Variants in EBF1 observed in about 807,000 individuals in gnomAD.
The protein encoded by EBF1 is EBF transcription factor 1.
EBF1 carries 10 observed loss-of-function variants against 68.4 expected under a neutral mutation model. The observed-to-expected ratio is 0.15, with a 90% CI of 0.09 to 0.25. The LOEUF (loss-of-function observed/expected upper bound fraction) is 0.25. EBF1 is among the 10% of genes least tolerant of loss of function. The pLI, the probability that EBF1 is intolerant of heterozygous loss-of-function variation, is 1.00. For missense variants in EBF1, 509 were observed against 794.4 expected (o/e 0.64, Z 4.32); for synonymous variants, 298 against 299.8 (o/e 0.99, Z 0.06).
At chr5:158,729,325 G>A (rs1437669269) in intron 11 of EBF1, among the ~76,000 whole-genome samples, 2 of 152,196 alleles carry the variant, frequency 1.3e-5, no homozygotes, top group African/African-American at 4.8e-5. Flanking sequence ...GGACTCTAGA[G>A]ATCAAATGGT....
intron 4 of EBF1, among the ~76,000 whole-genome samples, chr5:159,092,871 T>G (rs893823728): frequency 7.9e-5 from 12 of 152,188 alleles, no homozygotes; most frequent in African/African-American, 2.9e-4. Flanking sequence ...TCAAAATCCA[T>G]AATGTATGAG....
At position 158,795,008 on chromosome 5, in the gene EBF1, C is replaced by G. The variant is rs575795690; in HGVS notation, c.909+1337G>C. On this transcript the variant is annotated intron_variant, in intron 9 of 15. Transcript: ENST00000313708. Reference sequence around the variant, plus strand: ...TTGATTCTACGACCAAATGCATACCCCTTGTTTGCTGAGTAGAAAATACCA... The same window carrying G: ...TTGATTCTACGACCAAATGCATACCGCTTGTTTGCTGAGTAGAAAATACCA... 1.1e-4 allele frequency among the ~76,000 whole-genome samples: 17 copies of G among 152,262 alleles called. No individual in the cohort carries two copies. The South Asian group carries it at 3.3e-3, about 30-fold the overall frequency.
chr5:159,090,001 T>TA (rs1781346747), intron 4 of EBF1, among the ~76,000 whole-genome samples: 1 of 151,994 alleles, frequency 6.6e-6, no homozygotes, highest in Non-Finnish European at 1.5e-5. Flanking sequence ...TGTTACTCCT[T>TA]TTTCCCCTTA....
intron 8 of EBF1, among the ~76,000 whole-genome samples, chr5:158,799,707 G>A (rs1232916099): frequency 6.6e-6 from 1 of 152,160 alleles, no homozygotes; most frequent in Non-Finnish European, 1.5e-5. Flanking sequence ...GCAACGGGAA[G>A]GTGCTGGTGA....
chr5:158,795,274 T>G (rs1323865413), intron 9 of EBF1, among the ~76,000 whole-genome samples: 1 of 152,230 alleles, frequency 6.6e-6, no homozygotes, highest in East Asian at 1.9e-4. Context: ...TGTGGCCATA[T>G]ACAAATCACT....
At chr5:158,835,730 G>T (rs1489334235) in intron 7 of EBF1, among the ~76,000 whole-genome samples, 3 of 152,120 alleles carry the variant, frequency 2.0e-5, no homozygotes, top group Admixed American at 6.5e-5. Context: ...AGACTGCTTG[G>T]ATTATACCAC....
At chr5:158,913,161 C>G (rs1177605580) in intron 6 of EBF1, among the ~76,000 whole-genome samples, 1 of 152,178 alleles carries the variant, frequency 6.6e-6, no homozygotes, top group Non-Finnish European at 1.5e-5. Context: ...TTTCCCATAA[C>G]AAAAATAGAG....
intron 10 of EBF1, among the ~76,000 whole-genome samples, chr5:158,773,441 A>T (rs1264090417): frequency 6.6e-6 from 1 of 152,136 alleles, no homozygotes; most frequent in African/African-American, 2.4e-5. Context: ...TGGAATTGGA[A>T]AAGTTAGTGG....
At chr5:159,098,390 T>C (rs559120825) in intron 1 of EBF1, among the ~76,000 whole-genome samples, 25 of 152,172 alleles carry the variant, frequency 1.6e-4, no homozygotes, top group African/African-American at 5.3e-4. Flanking sequence ...AGAAGACTTT[T>C]GGGAGATATC....
At chr5:159,084,022 A>C (rs560028683) in intron 5 of EBF1, among the ~76,000 whole-genome samples, 2 of 152,168 alleles carry the variant, frequency 1.3e-5, no homozygotes, top group African/African-American at 4.8e-5. Flanking sequence ...GGCAAAAATA[A>C]AGACACTCAT....
At chr5:158,754,865 C>T (rs1302661342) in intron 10 of EBF1, among the ~76,000 whole-genome samples, 1 of 152,108 alleles carries the variant, frequency 6.6e-6, no homozygotes, top group East Asian at 1.9e-4. Context: ...TCAATGCAAA[C>T]AATTTTAATT....
intron 7 of EBF1, among the ~76,000 whole-genome samples, chr5:158,836,440 GA>G (rs999243319): frequency 1.5e-4 from 23 of 149,758 alleles, no homozygotes; most frequent in African/African-American, 4.9e-4. Context: ...TATAATTCAA[GA>G]AAAAAAAATG....
At chr5:158,744,254 C>T (rs902534566) in intron 10 of EBF1, among the ~76,000 whole-genome samples, 3 of 151,722 alleles carry the variant, frequency 2.0e-5, no homozygotes, top group Non-Finnish European at 2.9e-5. Context: ...GAAAAGAGAA[C>T]CCAGGGCAGA....
intron 10 of EBF1, among the ~76,000 whole-genome samples, chr5:158,737,319 C>G (rs1177207368): frequency 8.3e-6 from 1 of 121,046 alleles, no homozygotes; most frequent in Non-Finnish European, 1.6e-5. Flanking sequence ...AGTCTCGCTC[C>G]GTCGCCCAGG....
chr5:159,042,084 A>T (rs1349995708), intron 6 of EBF1, among the ~76,000 whole-genome samples: 1 of 152,190 alleles, frequency 6.6e-6, no homozygotes, highest in Non-Finnish European at 1.5e-5. Flanking sequence ...GTGTAATTGG[A>T]AGGGAACTTT....
intron 6 of EBF1, among the ~76,000 whole-genome samples, chr5:159,037,670 G>A: frequency 8.4e-6 from 1 of 119,512 alleles, no homozygotes; most frequent in Non-Finnish European, 1.7e-5. Context: ...GTGGGGGGAG[G>A]GGGGAGGGAT....
chr5:158,976,582 TG>T (rs1756808773), intron 6 of EBF1, among the ~76,000 whole-genome samples: 1 of 152,228 alleles, frequency 6.6e-6, no homozygotes. Context: ...GCCCTGATGC[TG>T]GGACTGCTAA....
chr5:158,871,080 C>T (rs1412423326), intron 6 of EBF1, among the ~76,000 whole-genome samples: 1 of 152,212 alleles, frequency 6.6e-6, no homozygotes, highest in Non-Finnish European at 1.5e-5. Flanking sequence ...GGCTGCCTTA[C>T]AAGATGAATT....
In EBF1 at chr5:158,831,615, G is replaced by A. The variant is rs146385757; in HGVS notation, c.637-8298C>T. On this transcript the variant is annotated intron_variant, in intron 7 of 15. Transcript: ENST00000313708. ...TCCTAGGTGGGAGATATTTTTAATTGGGTGATTAGGAAAGGCTTCTTTAAG... is the reference window on the plus strand; with the variant it reads ...TCCTAGGTGGGAGATATTTTTAATTAGGTGATTAGGAAAGGCTTCTTTAAG... 5.9e-3 allele frequency among the ~76,000 whole-genome samples: 892 copies of A among 152,184 alleles called. 14 individuals are homozygous for A. Among genetic ancestry groups the A allele is most frequent in the African/African-American group, 0.021 (856 of 41,532 alleles).
Sources: gnomAD v4.1 joint callset for allele counts (sites outside exome capture counted in the v4.1 genomes callset) on GRCh38, gnomAD v4.1.1 for gene constraint, MANE v1.5 for transcripts, NCBI Gene and HGNC (gene_info 2026-07-23, HGNC 2026-07-21) for gene names.